CAMK1D: variants seen among roughly 807,000 people sequenced by gnomAD.
CAMK1D encodes the protein calcium/calmodulin-dependent protein kinase type 1D.
Under a neutral mutation model 47.7 loss-of-function variants are expected in CAMK1D, and 9 were observed. The observed-to-expected ratio is 0.19, with a 90% CI of 0.11 to 0.33. The LOEUF (loss-of-function observed/expected upper bound fraction) is 0.33. Ranked by LOEUF, CAMK1D falls within the 10% of genes least tolerant of loss-of-function variation. CAMK1D has a pLI of 1.00. For missense variants in CAMK1D, 291 were observed against 488.7 expected, an observed-to-expected ratio of 0.60 and a Z score of 3.81; for synonymous variants, 184 against 184.9, an observed-to-expected ratio of 0.99 and a Z score of 0.04.
In CAMK1D at chr10:12,749,547, G is replaced by GT. The variant is rs1267749578; in HGVS notation, c.300-11395dup. Among the ~76,000 whole-genome samples, 678 of 120,164 alleles carry GT rather than the reference G, an allele frequency of 5.6e-3. 20 individuals carry two copies. The East Asian group carries it at 0.091, about 16-fold the overall frequency. 78.8% of individuals were successfully genotyped at this position (120,164 alleles called of 152,430 possible). On this transcript the variant is annotated intron_variant, in intron 3 of 10. Transcript: ENST00000619168. ...TGGATGTTTGTTTGTTTGTTTGTTTGTTTTTTGTTTGTTTGTTTGTTTGTT... is the reference window on the plus strand; with the variant it reads ...TGGATGTTTGTTTGTTTGTTTGTTTGTTTTTTTGTTTGTTTGTTTGTTTGTT...
intron 2 of CAMK1D, among the ~76,000 whole-genome samples, chr10:12,556,738 G>C (rs1468546731): frequency 6.6e-6 from 1 of 152,192 alleles, no homozygotes; most frequent in African/African-American, 2.4e-5. Flanking sequence ...TAGACACGGG[G>C]GAGCCATCGG....
chr10:12,686,570 C>A (rs974030222), intron 3 of CAMK1D, among the ~76,000 whole-genome samples: 14 of 152,054 alleles, frequency 9.2e-5, no homozygotes, highest in Non-Finnish European at 1.8e-4. Flanking sequence ...ATGATCCACC[C>A]ACCTCGGCCT....
chr10:12,351,941 C>G (rs1029156924), intron 1 of CAMK1D, among the ~76,000 whole-genome samples: 23 of 152,168 alleles, frequency 1.5e-4, no homozygotes, highest in African/African-American at 5.3e-4. Context: ...GTGTGATGAT[C>G]AAGATGTTTT....
rs115455134 is a variant in CAMK1D, at chr10:12,518,409, A to G, written c.93-34816A>G. 1.3e-3 allele frequency among the ~76,000 whole-genome samples: 196 copies of G among 152,352 alleles called. 2 individuals are homozygous for G. The highest frequency in any genetic ancestry group is 4.4e-3 in the African/African-American group (181 of 41,566). On this transcript the variant is annotated intron_variant, in intron 1 of 10. Transcript: ENST00000619168. The stretch of plus-strand genomic sequence containing the variant: ...CTCATACTTGGGCTTAGGGTTGTTC[A>G]TAATGTTCTTTTATTAGCCCTTTAA...
At chr10:12,489,625 T>G (rs1834320657) in intron 1 of CAMK1D, among the ~76,000 whole-genome samples, 1 of 152,216 alleles carries the variant, frequency 6.6e-6, no homozygotes, top group Non-Finnish European at 1.5e-5. Flanking sequence ...TGCTTACTTC[T>G]GTGCAGCTCG....
At chr10:12,440,069 G>A (rs951798402) in intron 1 of CAMK1D, among the ~76,000 whole-genome samples, 16 of 152,190 alleles carry the variant, frequency 1.1e-4, no homozygotes, top group African/African-American at 3.9e-4. Context: ...TATGGGAACT[G>A]TAATTCAAGG....
intron 2 of CAMK1D, among the ~76,000 whole-genome samples, chr10:12,604,724 TATG>T (rs1838399685): frequency 6.6e-6 from 1 of 152,160 alleles, no homozygotes; most frequent in Non-Finnish European, 1.5e-5. Context: ...GTCTAAGGTA[TATG>T]ATTCCCTGTA....
At chr10:12,440,035 G>A (rs1425226665) in intron 1 of CAMK1D, among the ~76,000 whole-genome samples, 1 of 152,134 alleles carries the variant, frequency 6.6e-6, no homozygotes, top group Non-Finnish European at 1.5e-5. Flanking sequence ...CTCCCACTGG[G>A]TCCCTCCCAT....
At chr10:12,730,769 G>A (rs1489876040) in intron 3 of CAMK1D, among the ~76,000 whole-genome samples, 3 of 152,132 alleles carry the variant, frequency 2.0e-5, no homozygotes, top group Non-Finnish European at 4.4e-5. Flanking sequence ...TGGTCTCCAG[G>A]GTCCAGCCCC....
intron 4 of CAMK1D, among the ~76,000 whole-genome samples, chr10:12,768,795 C>A (rs1170392903): frequency 6.6e-6 from 1 of 152,138 alleles, no homozygotes; most frequent in Non-Finnish European, 1.5e-5. Flanking sequence ...TCTCAGCCTC[C>A]ATAAGACCCA....
At chr10:12,693,741 G>A (rs545764608) in intron 3 of CAMK1D, among the ~76,000 whole-genome samples, 1 of 150,090 alleles carries the variant, frequency 6.7e-6, no homozygotes, top group African/African-American at 2.5e-5. Flanking sequence ...TAGAGGTCTT[G>A]GACTTGACAG....
At chr10:12,622,665 G>A (rs1239081620) in intron 2 of CAMK1D, among the ~76,000 whole-genome samples, 2 of 152,128 alleles carry the variant, frequency 1.3e-5, no homozygotes, top group South Asian at 4.1e-4. Context: ...CCAGGTCCTT[G>A]TCCTTAATCC....
At chr10:12,469,401 G>A (rs1055295893) in intron 1 of CAMK1D, among the ~76,000 whole-genome samples, 2 of 145,062 alleles carry the variant, frequency 1.4e-5, no homozygotes, top group African/African-American at 5.1e-5. Context: ...TCTTCCAAGC[G>A]AGGCCTTCCC....
At chr10:12,456,215 T>C (rs994173649) in intron 1 of CAMK1D, among the ~76,000 whole-genome samples, 1 of 152,258 alleles carries the variant, frequency 6.6e-6, no homozygotes, top group Non-Finnish European at 1.5e-5. Flanking sequence ...AATATTCATT[T>C]ATGTTTGATT....
At chr10:12,710,504 A>G (rs1293915696) in intron 3 of CAMK1D, among the ~76,000 whole-genome samples, 3 of 152,226 alleles carry the variant, frequency 2.0e-5, no homozygotes, top group African/African-American at 4.8e-5. Context: ...CCTTCGATAC[A>G]GTCTTTTGTA....
intron 2 of CAMK1D, among the ~76,000 whole-genome samples, chr10:12,620,916 A>G (rs1325421949): frequency 6.6e-6 from 1 of 152,188 alleles, no homozygotes; most frequent in Non-Finnish European, 1.5e-5. Context: ...GTTAAACTCC[A>G]TGACCCATTT....
chr10:12,621,873 G>T (rs1839009862), intron 2 of CAMK1D, among the ~76,000 whole-genome samples: 1 of 152,036 alleles, frequency 6.6e-6, no homozygotes, highest in African/African-American at 2.4e-5. Context: ...AACCTTCTAT[G>T]TTAGATGGCT....
intron 2 of CAMK1D, among the ~76,000 whole-genome samples, chr10:12,554,158 C>G (rs903565587): frequency 4.0e-4 from 60 of 150,804 alleles, no homozygotes; most frequent in African/African-American, 4.1e-4. Context: ...CCCCTCCCCT[C>G]TCCTCTCCTT....
In CAMK1D at chr10:12,829,094, T is replaced by C; in HGVS notation, c.*207T>C. Reference sequence around the variant, plus strand: ...CAAACTGTACTGACTCGAGGGGCGCTGATTTCATAGGATCTGGTGCTGTAT... The same window carrying C: ...CAAACTGTACTGACTCGAGGGGCGCCGATTTCATAGGATCTGGTGCTGTAT... On this transcript the variant is annotated 3_prime_UTR_variant, in exon 11 of 11. Transcript: ENST00000619168. 1.9e-6 allele frequency: 1 copy of C among 522,300 alleles called. No individual in the cohort carries two copies. Among genetic ancestry groups the C allele is most frequent in the Non-Finnish European group, 3.4e-6 (1 of 295,640 alleles). The allele number at this position is 522,300 out of a possible 1,614,324, so 32.4% of individuals were successfully genotyped here. A position where few individuals can be genotyped will look rare whatever the true frequency, so the allele number is the denominator to read the frequency against.
Sources: gnomAD v4.1 joint callset for allele counts (sites outside exome capture counted in the v4.1 genomes callset) on GRCh38, gnomAD v4.1.1 for gene constraint, MANE v1.5 for transcripts, NCBI Gene and HGNC (gene_info 2026-07-23, HGNC 2026-07-21) for gene names.